TBC1D30: variants seen among roughly 807,000 people sequenced by gnomAD.
The protein encoded by TBC1D30 is TBC1 domain family member 30.
TBC1D30 carries 31 observed loss-of-function variants against 63.2 expected under a neutral mutation model. The observed-to-expected ratio is 0.49, with a 90% confidence interval of 0.37 to 0.66. The LOEUF is 0.66. Ranked by LOEUF, TBC1D30 falls within the 30% of genes least tolerant of loss-of-function variation. TBC1D30 has a pLI of 0.00. For synonymous variants in TBC1D30, 307 were observed against 361.5 expected (o/e 0.85, Z 1.71); for missense variants, 810 against 953.6 (o/e 0.85, Z 1.98).
rs1437720983 is a variant in TBC1D30, at chr12:64,878,096, G to A, written c.*2308G>A. The A allele has an allele frequency of 4.8e-6, 1 of 209,732 alleles. No homozygotes were observed. The highest frequency in any genetic ancestry group is 2.3e-5 in the African/African-American group (1 of 43,928). 13.0% of individuals were successfully genotyped at this position (209,732 alleles called of 1,614,324 possible). Reference sequence around the variant, plus strand: ...AACACACAGTTTGGGATACGTATCTGTTGAATGAATGAATAAGTGAAAGGA... The same window carrying A: ...AACACACAGTTTGGGATACGTATCTATTGAATGAATGAATAAGTGAAAGGA... On this transcript the variant is annotated 3_prime_UTR_variant, in exon 12 of 12. Transcript: ENST00000539867.
At chr12:64,873,625 C>G (rs1299917133) in intron 11 of TBC1D30, among the ~76,000 whole-genome samples, 3 of 152,020 alleles carry the variant, frequency 2.0e-5, no homozygotes, top group Non-Finnish European at 4.4e-5. Context: ...TATAGTTAGA[C>G]TGAGAGCCTG....
At chr12:64,847,123 A>G (rs1159043293) in intron 8 of TBC1D30, among the ~76,000 whole-genome samples, 1 of 150,092 alleles carries the variant, frequency 6.7e-6, no homozygotes, top group East Asian at 1.9e-4. Flanking sequence ...GGTAGGTTGT[A>G]TGTGTCTAGG....
intron 2 of TBC1D30, among the ~76,000 whole-genome samples, chr12:64,791,698 T>TTG (rs564771442): frequency 6.8e-4 from 97 of 143,584 alleles, no homozygotes; most frequent in African/African-American, 2.6e-3. Flanking sequence ...GTGTGTGTGT[T>TTG]TGTGTGTGTG....
chr12:64,795,200 T>G (rs953718296), intron 2 of TBC1D30, among the ~76,000 whole-genome samples: 23 of 152,152 alleles, frequency 1.5e-4, no homozygotes, highest in Non-Finnish European at 3.4e-4. Flanking sequence ...TATCTTCAAG[T>G]CTTTCATCTG....
chr12:64,784,202 A>G (rs1871435279), intron 1 of TBC1D30, among the ~76,000 whole-genome samples: 1 of 152,064 alleles, frequency 6.6e-6, no homozygotes, highest in Non-Finnish European at 1.5e-5. Context: ...GTTAGTGTTT[A>G]TAAAGACCAT....
chr12:64,853,531 G>A (rs1008228733), intron 8 of TBC1D30, among the ~76,000 whole-genome samples: 1 of 152,080 alleles, frequency 6.6e-6, no homozygotes, highest in Non-Finnish European at 1.5e-5. Flanking sequence ...AGGCACCACT[G>A]GGGTATGAAA....
At chr12:64,788,548 A>G (rs1358538986) in intron 2 of TBC1D30, among the ~76,000 whole-genome samples, 1 of 152,168 alleles carries the variant, frequency 6.6e-6, no homozygotes, top group Non-Finnish European at 1.5e-5. Context: ...ATTGTTAGTT[A>G]CTAGGGACTG....
chr12:64,864,225 T>C (rs1413633748), intron 8 of TBC1D30, among the ~76,000 whole-genome samples: 1 of 152,232 alleles, frequency 6.6e-6, no homozygotes, highest in Non-Finnish European at 1.5e-5. Context: ...GATCATCCAC[T>C]AGATTTAATT....
intron 2 of TBC1D30, among the ~76,000 whole-genome samples, chr12:64,798,212 CAGTG>C (rs1872391867): frequency 1.3e-5 from 2 of 152,310 alleles, no homozygotes; most frequent in Admixed American, 6.5e-5. Flanking sequence ...ACAGTATCCT[CAGTG>C]AGCTTTCAGA....
At chr12:64,818,060 C>CAA (rs60136357) in intron 2 of TBC1D30, among the ~76,000 whole-genome samples, 89 of 137,110 alleles carry the variant, frequency 6.5e-4, no homozygotes, top group Middle Eastern at 3.8e-3. Context: ...GAGACTCTAC[C>CAA]AAAAAAAAAA....
chr12:64,810,129 A>G (rs1873121698), intron 2 of TBC1D30, among the ~76,000 whole-genome samples: 1 of 152,162 alleles, frequency 6.6e-6, no homozygotes, highest in Non-Finnish European at 1.5e-5. Context: ...AATGATCTCA[A>G]GGCCTCGGAG....
upstream of TBC1D30, among the ~76,000 whole-genome samples, chr12:64,820,240 T>A (rs1488523814): frequency 6.6e-6 from 1 of 152,198 alleles, no homozygotes; most frequent in Non-Finnish European, 1.5e-5. Flanking sequence ...GGACATAGTT[T>A]TTATTCCTTG....
At chr12:64,827,738 T>C (rs957688475) in intron 1 of TBC1D30, 97 bp from the exon 2 acceptor site, 31 of 872,248 alleles carry the variant, frequency 3.6e-5, no homozygotes, top group Non-Finnish European at 5.2e-5. Context: ...TTAAAAAAAA[T>C]TGTGATGATT....
chr12:64,771,665 A>G (rs1479349920), intron 1 of TBC1D30, among the ~76,000 whole-genome samples: 1 of 152,168 alleles, frequency 6.6e-6, no homozygotes, highest in East Asian at 1.9e-4. Flanking sequence ...TATAGACAAA[A>G]CAGCATGGTT....
chr12:64,828,328 C>A, intron 2 of TBC1D30, 116 bp from the exon 3 acceptor site: 2 of 724,492 alleles, frequency 2.8e-6, no homozygotes, highest in Non-Finnish European at 4.7e-6. Context: ...GACTGTTTAC[C>A]CCATTGTGCT....
At chr12:64,791,845 A>G (rs887069700) in intron 2 of TBC1D30, among the ~76,000 whole-genome samples, 2 of 152,034 alleles carry the variant, frequency 1.3e-5, no homozygotes, top group Non-Finnish European at 2.9e-5. Flanking sequence ...CAGCCTCCCA[A>G]AGTGCTGGGA....
intron 1 of TBC1D30, among the ~76,000 whole-genome samples, chr12:64,774,043 C>A (rs1870992702): frequency 1.3e-5 from 2 of 152,252 alleles, no homozygotes; most frequent in South Asian, 4.1e-4. Context: ...AGCTAAAAAT[C>A]ATGATAAAAC....
intron 1 of TBC1D30, among the ~76,000 whole-genome samples, chr12:64,761,612 G>A (rs938352110): frequency 2.6e-5 from 4 of 152,148 alleles, no homozygotes; most frequent in Non-Finnish European, 2.9e-5. Context: ...CCCACCCAGC[G>A]CCATGACAGT....
upstream of TBC1D30, among the ~76,000 whole-genome samples, chr12:64,820,732 T>A (rs138297213): frequency 6.6e-6 from 1 of 152,222 alleles, no homozygotes; most frequent in East Asian, 1.9e-4. Context: ...ATCTTTCACG[T>A]TTGTAAAACA....
Sources: allele counts gnomAD v4.1 joint callset (sites outside exome capture counted in the v4.1 genomes callset), GRCh38; gene constraint gnomAD v4.1.1; transcripts MANE v1.5; gene names NCBI Gene and HGNC (gene_info 2026-07-23, HGNC 2026-07-21).